Variants in OTOGL observed in about 807,000 individuals in gnomAD.
OTOGL encodes the protein otogelin-like protein.
OTOGL carries 285 observed loss-of-function variants against 318.5 expected under a neutral mutation model. That is an observed-to-expected ratio of 0.89 (90% confidence interval 0.81 to 0.99). The LOEUF is 0.99. OTOGL is among the 50% of genes least tolerant of loss of function. OTOGL has a pLI of 0.00. For synonymous variants in OTOGL, 987 were observed against 936.5 expected, an observed-to-expected ratio of 1.05 and a Z score of -0.99; for missense variants, 2,899 against 2,845.6, an observed-to-expected ratio of 1.02 and a Z score of -0.43.
chr12:80,220,858 A>T (rs74108566), intron 6 of OTOGL, among the ~76,000 whole-genome samples: 1,669 of 152,254 alleles, frequency 0.011, 29 homozygotes, highest in African/African-American at 0.037. Context: ...GCTGTAAAGT[A>T]CAAGATGCTA....
chr12:80,170,517 T>A (rs1343584107), intron 1 of OTOGL, among the ~76,000 whole-genome samples: 3 of 152,006 alleles, frequency 2.0e-5, no homozygotes, highest in Non-Finnish European at 2.9e-5. Flanking sequence ...CACTGCAACC[T>A]CTGTCTCCTG....
intron 27 of OTOGL, 136 bp downstream of exon 27, chr12:80,297,097 C>T: frequency 1.3e-6 from 1 of 761,924 alleles, no homozygotes; most frequent in Non-Finnish European, 1.9e-6. Context: ...TTTTGCGTGG[C>T]TTCAGTACAT....
intron 26 of OTOGL, among the ~76,000 whole-genome samples, chr12:80,286,365 T>C (rs1032169105): frequency 3.9e-5 from 6 of 152,196 alleles, no homozygotes; most frequent in Non-Finnish European, 7.3e-5. Flanking sequence ...CGGGTTTTGG[T>C]ATCAGGATGA....
At chr12:80,147,801 A>T (rs1325024978) in intron 1 of OTOGL, among the ~76,000 whole-genome samples, 6 of 152,184 alleles carry the variant, frequency 3.9e-5, no homozygotes, top group Admixed American at 2.0e-4. Context: ...TCCCTTTACC[A>T]TTATATAATG....
chr12:80,314,976 G>A (rs1229760619), intron 32 of OTOGL, among the ~76,000 whole-genome samples: 1 of 152,180 alleles, frequency 6.6e-6, no homozygotes, highest in East Asian at 1.9e-4. Flanking sequence ...GTCAGGCACA[G>A]TGAGACAAAT....
intron 1 of OTOGL, among the ~76,000 whole-genome samples, chr12:80,123,055 T>G (rs1870583469): frequency 6.6e-6 from 1 of 151,984 alleles, no homozygotes; most frequent in African/African-American, 2.4e-5. Flanking sequence ...TAATTATACT[T>G]TAAGTTTTAG....
At chr12:80,202,581 A>T (rs1179099629) in intron 1 of OTOGL, among the ~76,000 whole-genome samples, 1 of 152,120 alleles carries the variant, frequency 6.6e-6, no homozygotes, top group South Asian at 2.1e-4. Flanking sequence ...CCTGTCTGGT[A>T]TCTTTCAAGG....
In OTOGL at chr12:80,108,936, G is replaced by GTGTGTATATATATATATATATATA. The variant is rs1555268621; in HGVS notation, c.-20+9332_-20+9333insGTGTATATATATATATATATATAT. On this transcript the variant is annotated intron_variant, in intron 1 of 58. Coordinates refer to ENST00000547103, the MANE Select transcript of OTOGL (RefSeq NM_001378609.3). ...TATATGTGTATATATATATGTGTGT[G>GTGTGTATATATATATATATATATA]TATATATATATATATATACACACAC... is the stretch of plus-strand genomic sequence containing the variant. 2.7e-3 allele frequency among the ~76,000 whole-genome samples: 344 copies of GTGTGTATATATATATATATATATA among 128,204 alleles called. 6 individuals carry two copies. Among genetic ancestry groups the GTGTGTATATATATATATATATATA allele is most frequent in the African/African-American group, 0.01 (325 of 31,244 alleles). 84.1% of individuals were successfully genotyped at this position (128,204 alleles called of 152,430 possible). A position where few individuals can be genotyped will look rare whatever the true frequency, so the allele number is the denominator to read the frequency against.
At chr12:80,314,406 A>T (rs1158112290) in intron 32 of OTOGL, 75 bp downstream of exon 32, 1 of 519,906 alleles carries the variant, frequency 1.9e-6, no homozygotes, top group Non-Finnish European at 2.9e-6. Context: ...ATTTTTGAAC[A>T]ACTTATGCTG....
At chr12:80,159,532 A>G (rs540959306) in intron 1 of OTOGL, among the ~76,000 whole-genome samples, 1 of 152,082 alleles carries the variant, frequency 6.6e-6, no homozygotes, top group South Asian at 2.1e-4. Flanking sequence ...TTCAAGGAAT[A>G]TACCTAACCA....
At chr12:80,105,271 G>T (rs1035333475) in intron 1 of OTOGL, among the ~76,000 whole-genome samples, 2 of 152,078 alleles carry the variant, frequency 1.3e-5, no homozygotes, top group Non-Finnish European at 2.9e-5. Flanking sequence ...AGAAAAAGTC[G>T]CATCAAAATA....
Position 80,336,145 on chromosome 12 carries a change from G to C in OTOGL, c.4600+5G>C. On this transcript the variant is annotated splice_donor_5th_base_variant and intron_variant, in intron 39 of 58. Coordinates refer to ENST00000547103, the MANE Select transcript of OTOGL (RefSeq NM_001378609.3). ...GCCCTGAGTGGGAATGTCCTTGTAA[G>C]TTTGCATTTCTTAAGCGGTGATCTT... The C allele has an allele frequency of 1.9e-6, 3 of 1,561,096 alleles. No homozygotes were observed. Among genetic ancestry groups the C allele is most frequent in the Non-Finnish European group, 2.6e-6 (3 of 1,163,194 alleles).
intron 1 of OTOGL, among the ~76,000 whole-genome samples, chr12:80,116,948 C>T (rs1870202686): frequency 6.6e-6 from 1 of 152,140 alleles, no homozygotes; most frequent in South Asian, 2.1e-4. Context: ...TGCTTCTGTA[C>T]ACTGTGAGCA....
At chr12:80,262,488 AT>A (rs1270773747) in intron 19 of OTOGL, among the ~76,000 whole-genome samples, 1 of 152,096 alleles carries the variant, frequency 6.6e-6, no homozygotes, top group African/African-American at 2.4e-5. Context: ...AGTTATTACC[AT>A]CTCATTACTC....
At chr12:80,131,099 T>TCC (rs1490162128) in intron 1 of OTOGL, 1 of 152,138 alleles carries the variant, frequency 6.6e-6, no homozygotes, top group Non-Finnish European at 1.5e-5. Flanking sequence ...ACTTAAGAAG[T>TCC]AGGAGGCACA....
At chr12:80,117,710 A>G (rs950099501) in intron 1 of OTOGL, among the ~76,000 whole-genome samples, 1 of 152,194 alleles carries the variant, frequency 6.6e-6, no homozygotes, top group Non-Finnish European at 1.5e-5. Context: ...CCTCAAATCA[A>G]TTAAACCTGC....
intron 1 of OTOGL, among the ~76,000 whole-genome samples, chr12:80,158,423 G>T (rs1873270816): frequency 6.6e-6 from 1 of 152,034 alleles, no homozygotes; most frequent in Admixed American, 6.6e-5. Context: ...TAGAGTAAGG[G>T]ATTGTGTGGT....
intron 1 of OTOGL, among the ~76,000 whole-genome samples, chr12:80,176,877 C>T (rs1360216730): frequency 6.6e-6 from 1 of 151,982 alleles, no homozygotes; most frequent in Non-Finnish European, 1.5e-5. Flanking sequence ...TGTGAAAATT[C>T]CTGTTGTTCT....
At chr12:80,362,158 T>C (rs1319773210) in intron 52 of OTOGL, among the ~76,000 whole-genome samples, 1 of 152,202 alleles carries the variant, frequency 6.6e-6, no homozygotes, top group Non-Finnish European at 1.5e-5. Flanking sequence ...AATTTTTGTA[T>C]GTTGTGTGAG....
Sources: gnomAD v4.1 joint callset for allele counts (sites outside exome capture counted in the v4.1 genomes callset) on GRCh38, gnomAD v4.1.1 for gene constraint, MANE v1.5 for transcripts, NCBI Gene and HGNC (gene_info 2026-07-23, HGNC 2026-07-21) for gene names.